Variants in MRC2 observed in about 807,000 individuals in gnomAD.
MRC2 encodes mannose receptor C-type 2.
MRC2 carries 84 observed loss-of-function variants against 206.2 expected under a neutral mutation model. The observed-to-expected ratio is 0.41, with a 90% CI of 0.34 to 0.49. MRC2 has a LOEUF of 0.49. MRC2 is among the 20% of genes least tolerant of loss of function. The pLI, the probability that MRC2 is intolerant of heterozygous loss-of-function variation, is 0.31. For synonymous variants in MRC2, 798 were observed against 800.0 expected, an observed-to-expected ratio of 1.00 and a Z score of 0.04; for missense variants, 1,676 against 2,001.5, an observed-to-expected ratio of 0.84 and a Z score of 3.10.
intron 12 of MRC2, 57 bp from the exon 13 acceptor site, chr17:62,678,446 GC>G: frequency 6.3e-7 from 1 of 1,574,904 alleles, no homozygotes; most frequent in African/African-American, 1.4e-5. Context: ...GGCAGTAGGT[GC>G]CCCCTGAGGG....
At chr17:62,665,410 C>A (rs1327543169) in intron 2 of MRC2, among the ~76,000 whole-genome samples, 4 of 135,868 alleles carry the variant, frequency 2.9e-5, no homozygotes, top group South Asian at 2.3e-4. Context: ...GTCCCCCCCC[C>A]CACAAAAAAA....
In MRC2 at chr17:62,627,726, C is replaced by T; in HGVS notation, c.-77C>T. 8.4e-7 allele frequency: 1 copy of T among 1,183,864 alleles called. No homozygotes were observed. Among genetic ancestry groups the T allele is most frequent in the Non-Finnish European group, 1.1e-6 (1 of 909,796 alleles). 73.3% of individuals were successfully genotyped at this position (1,183,864 alleles called of 1,614,324 possible). A position where few individuals can be genotyped will look rare whatever the true frequency, so the allele number is the denominator to read the frequency against. ...AGCCCCTTGCGGGCGGTCATCACAG[C>T]CCAGCCTCGGGGCTGCCACAGCGCG... On this transcript the variant is annotated 5_prime_UTR_variant, in exon 1 of 30. Coordinates refer to ENST00000303375, the MANE Select transcript of MRC2 (RefSeq NM_006039.5).
intron 20 of MRC2, among the ~76,000 whole-genome samples, chr17:62,687,698 G>A (rs192344792): frequency 8.2e-4 from 125 of 152,072 alleles, no homozygotes; most frequent in African/African-American, 2.9e-3. Context: ...AGGGCTGGGC[G>A]CGGTGAAACC....
In MRC2 at chr17:62,672,294, A is replaced by C; in HGVS notation, c.1461+142A>C. 9.7e-6 allele frequency: 9 copies of C among 930,614 alleles called. No individual in the cohort carries two copies. The highest frequency in any genetic ancestry group is 1.5e-5 in the Non-Finnish European group (9 of 615,924). 57.6% of individuals were successfully genotyped at this position (930,614 alleles called of 1,614,324 possible). A position where few individuals can be genotyped will look rare whatever the true frequency, so the allele number is the denominator to read the frequency against. ...TCAGCAGTCCCCCTCCTCCCCACCA[A>C]TGCCTTCCCTTCCATGTGAGAGACT... On this transcript the variant is annotated intron_variant, in intron 8 of 29. Transcript: ENST00000303375. The surrounding 1 kb of genome is among the most constrained non-coding windows in gnomAD (Gnocchi z 4.5).
intron 1 of MRC2, among the ~76,000 whole-genome samples, chr17:62,634,895 A>G (rs887894134): frequency 5.3e-5 from 8 of 151,026 alleles, no homozygotes; most frequent in African/African-American, 2.0e-4. Context: ...CAGTGGCACA[A>G]TCTTGGCTCA....
Position 62,675,421 on chromosome 17 carries a change from C to G in MRC2, c.1570-369C>G, listed in dbSNP as rs1186701944. On this transcript the variant is annotated intron_variant, in intron 9 of 29. Coordinates refer to ENST00000303375, the MANE Select transcript of MRC2 (RefSeq NM_006039.5). This position sits in a 1 kb window ranked among gnomAD's most constrained non-coding sequence, Gnocchi z 4.1. ...CCCCTCTCCATCCTGGCAGCTCTCC[C>G]CAGCCTTTAGCTGTGGTTTCCCAGC... 4.6e-5 allele frequency among the ~76,000 whole-genome samples: 7 copies of G among 152,222 alleles called. No homozygotes were observed. The East Asian group carries it at 1.3e-3, about 29-fold the overall frequency.
At chr17:62,628,273 G>A (rs1401135592) in intron 1 of MRC2, among the ~76,000 whole-genome samples, 1 of 152,056 alleles carries the variant, frequency 6.6e-6, no homozygotes, top group Non-Finnish European at 1.5e-5. Context: ...CTCGGCAGGG[G>A]ACCTGCAGGG....
chr17:62,636,544 C>A (rs1269795559), intron 1 of MRC2, among the ~76,000 whole-genome samples: 2 of 145,706 alleles, frequency 1.4e-5, no homozygotes, highest in Admixed American at 1.4e-4. Flanking sequence ...TCTCGGCTCA[C>A]TGCAAGCTCC....
intron 1 of MRC2, among the ~76,000 whole-genome samples, chr17:62,636,216 T>C (rs1235112589): frequency 6.7e-6 from 1 of 149,364 alleles, no homozygotes; most frequent in Non-Finnish European, 1.5e-5. Context: ...ATTGCACCAC[T>C]GCACAACCTG....
At position 62,682,226 on chromosome 17, in the gene MRC2, T is replaced by A; in HGVS notation, c.2804-9T>A. The stretch of plus-strand genomic sequence containing the variant: ...TGGGGGTGACTGCCCTCCCCTCCCC[T>A]TTCCGCAGAGGACTGGGGGGACCAG... On this transcript the variant is annotated splice_polypyrimidine_tract_variant and intron_variant, in intron 19 of 29. Coordinates refer to ENST00000303375, the MANE Select transcript of MRC2 (RefSeq NM_006039.5). 6.4e-7 allele frequency: 1 copy of A among 1,570,810 alleles called. No individual in the cohort carries two copies. Among genetic ancestry groups the A allele is most frequent in the Non-Finnish European group, 8.6e-7 (1 of 1,157,434 alleles).
chr17:62,685,207 G>T (rs2089018669), intron 20 of MRC2, among the ~76,000 whole-genome samples: 1 of 151,742 alleles, frequency 6.6e-6, no homozygotes. Context: ...AAAAATTAAG[G>T]CATGTATATT....
rs1420480434 is a variant in MRC2 at position 62,627,685 on chromosome 17, C to A, written c.-118C>A. 2.8e-6 allele frequency: 2 copies of A among 704,048 alleles called. No homozygotes were observed. The highest frequency in any genetic ancestry group is 3.7e-5 in the African/African-American group (2 of 53,480). The allele number at this position is 704,048 out of a possible 1,614,324, so 43.6% of individuals were successfully genotyped here. A position where few individuals can be genotyped will look rare whatever the true frequency, so the allele number is the denominator to read the frequency against. ...CCCGGGAGGCATCACTTCGTCCCGA[C>A]CCGGAGGAGGACGCGAGCCCCTTGC... On this transcript the variant is annotated 5_prime_UTR_variant, in exon 1 of 30. Transcript: ENST00000303375.
At position 62,688,909 on chromosome 17, in the gene MRC2, G is replaced by T; in HGVS notation, c.3283G>T (p.Asp1095Tyr). 6.2e-7 allele frequency: 1 copy of T among 1,613,840 alleles called. No individual in the cohort carries two copies. The highest frequency in any genetic ancestry group is 1.1e-5 in the South Asian group (1 of 91,062). ...AGCCCACTTCACTGGCCGCTGGGAC[G>T]ATCGGAGCTGCACGGAGGAGACCCA... ...PSAHFTGRWD[D>Y]RSCTEETHGF... The change falls in exon 23 of 30, where the codon GAT becomes TAT. Residue 1095 changes from aspartate (D) to tyrosine (Y), a missense_variant. Physicochemically the swap from Asp to Tyr is radical, Grantham distance 160 (BLOSUM62 -3). Around this residue, in one of 3 missense-constraint regions of MRC2, gnomAD observed 1,354 missense variants for 1,636.6 expected, o/e 0.83. Transcript: ENST00000303375.
chr17:62,676,260 T>C, intron 10 of MRC2, 123 bp from the exon 11 acceptor site: 1 of 1,288,818 alleles, frequency 7.8e-7, no homozygotes, highest in Non-Finnish European at 1.1e-6. Context: ...CAGGCGTCCC[T>C]GCTTTCTTGA....
Position 62,664,622 on chromosome 17 carries a change from A to ACCC in MRC2, c.195_197dup (p.Pro66dup), listed in dbSNP as rs2088723968. The ACCC allele has an allele frequency of 6.2e-7, 1 of 1,613,254 alleles. No individual in the cohort carries two copies. Among genetic ancestry groups the ACCC allele is most frequent in the Admixed American group, 1.7e-5 (1 of 59,988 alleles). On this transcript the variant is annotated inframe_insertion, in exon 2 of 30. Transcript: ENST00000303375. The surrounding 1 kb of genome is among the most constrained non-coding windows in gnomAD (Gnocchi z 4.7). ...GGCCCAGGGCGGGCAGGTCAGAGTCACCCCGGCTTGCAATACCAGCCTCCC... is the reference window on the plus strand; with the variant it reads ...GGCCCAGGGCGGGCAGGTCAGAGTCACCCCCCCGGCTTGCAATACCAGCCTCCC...
intron 1 of MRC2, among the ~76,000 whole-genome samples, chr17:62,628,907 T>C (rs1471220325): frequency 6.6e-6 from 1 of 152,156 alleles, no homozygotes; most frequent in African/African-American, 2.4e-5. Flanking sequence ...GGACAGTCCG[T>C]GCAGTGTCTG....
intron 1 of MRC2, among the ~76,000 whole-genome samples, chr17:62,635,437 G>A (rs534094126): frequency 2.6e-5 from 4 of 152,070 alleles, no homozygotes; most frequent in African/African-American, 7.2e-5. Context: ...TTTAGGGAAG[G>A]ATAAGGAGCT....
At chr17:62,636,629 T>C (rs1441355092) in intron 1 of MRC2, among the ~76,000 whole-genome samples, 4 of 151,760 alleles carry the variant, frequency 2.6e-5, no homozygotes, top group Admixed American at 2.6e-4. Context: ...CCACCACGCC[T>C]GGCTAATTTT....
Position 62,666,408 on chromosome 17 carries a change from G to C in MRC2, c.695-47G>C. 6.2e-7 allele frequency: 1 copy of C among 1,612,268 alleles called. No homozygotes were observed. The highest frequency in any genetic ancestry group is 8.5e-7 in the Non-Finnish European group (1 of 1,179,616). On this transcript the variant is annotated intron_variant, in intron 3 of 29. Coordinates refer to ENST00000303375, the MANE Select transcript of MRC2 (RefSeq NM_006039.5). The surrounding 1 kb of genome is among the most constrained non-coding windows in gnomAD (Gnocchi z 5.0). ...TTGGTGGGGGAGGGTCTGCACTCCC[G>C]AGGGACCCTGGAGGGGGCCTGAAGG...
Sources: gnomAD v4.1 joint callset for allele counts (sites outside exome capture counted in the v4.1 genomes callset) on GRCh38, gnomAD v4.1.1 for gene constraint, gnomAD v4.1.1 regional missense constraint, Gnocchi (gnomAD v3.1) non-coding constraint, MANE v1.5 for transcripts, NCBI Gene and HGNC (gene_info 2026-07-23, HGNC 2026-07-21) for gene names.